The following KCNT2 variants were observed in gnomAD, a reference collection of about 807,000 sequenced individuals.
The protein encoded by KCNT2 is potassium sodium-activated channel subfamily T member 2, also known as potassium channel subfamily T member 2.
KCNT2 carries 67 observed loss-of-function variants against 153.8 expected under a neutral mutation model. The observed-to-expected ratio is 0.44, with a 90% CI of 0.36 to 0.53. The LOEUF is 0.53. Ranked by LOEUF, KCNT2 falls within the 20% of genes least tolerant of loss-of-function variation. The probability of loss-of-function intolerance (pLI) is 0.00; values close to 1 mark genes in which losing one functional copy is unlikely to be tolerated. For synonymous variants in KCNT2, 500 were observed against 458.8 expected (o/e 1.09, Z -1.15); for missense variants, 975 against 1,354.8 (o/e 0.72, Z 4.40).
At chr1:196,444,755 T>C (rs1675543379) in intron 8 of KCNT2, among the ~76,000 whole-genome samples, 2 of 151,340 alleles carry the variant, frequency 1.3e-5, no homozygotes, top group Non-Finnish European at 3.0e-5. Context: ...AAATGAAGAA[T>C]TTTAAGCAAG....
At chr1:196,329,778 CAT>C (rs1664257181) in intron 18 of KCNT2, among the ~76,000 whole-genome samples, 2 of 147,098 alleles carry the variant, frequency 1.4e-5, no homozygotes, top group Admixed American at 1.4e-4. Context: ...TATATATACA[CAT>C]ATATATGTGT....
intron 26 of KCNT2, among the ~76,000 whole-genome samples, chr1:196,242,702 C>G (rs1013547954): frequency 1.3e-5 from 2 of 152,064 alleles, no homozygotes; most frequent in Admixed American, 1.3e-4. Flanking sequence ...GAGGACACAG[C>G]AATGAACAAG....
At chr1:196,447,520 T>C (rs922275792) in intron 8 of KCNT2, among the ~76,000 whole-genome samples, 1 of 151,350 alleles carries the variant, frequency 6.6e-6, no homozygotes, top group Admixed American at 6.6e-5. Context: ...AGATAAGCAT[T>C]ATAAGGGAGC....
At chr1:196,472,611 A>G (rs1294793259) in intron 5 of KCNT2, among the ~76,000 whole-genome samples, 2 of 152,212 alleles carry the variant, frequency 1.3e-5, no homozygotes, top group Non-Finnish European at 2.9e-5. Context: ...CCTCTAAAGC[A>G]CTTTATATAT....
intron 26 of KCNT2, among the ~76,000 whole-genome samples, chr1:196,236,349 AAG>A (rs1451760795): frequency 6.6e-6 from 1 of 151,544 alleles, no homozygotes; most frequent in African/African-American, 2.4e-5. Context: ...TACACTGAAA[AAG>A]TATTTTTCTT....
chr1:196,494,074 T>C (rs1404029456), intron 1 of KCNT2, among the ~76,000 whole-genome samples: 1 of 152,180 alleles, frequency 6.6e-6, no homozygotes, highest in Admixed American at 6.5e-5. Flanking sequence ...TACGTACATA[T>C]ACATACTACA....
chr1:196,578,577 C>T (rs1277016791), intron 1 of KCNT2, among the ~76,000 whole-genome samples: 1 of 152,102 alleles, frequency 6.6e-6, no homozygotes. Context: ...TAAAGTCTAC[C>T]TACTGCAGGG....
chr1:196,329,879 A>ATGTGTGTGTGTGTG (rs57881763), intron 18 of KCNT2, among the ~76,000 whole-genome samples: 1 of 124,796 alleles, frequency 8.0e-6, no homozygotes, highest in Non-Finnish European at 1.6e-5. Flanking sequence ...ATACACTTAT[A>ATGTGTGTGTGTGTG]TGTGTGTGTG....
intron 15 of KCNT2, among the ~76,000 whole-genome samples, chr1:196,341,009 CT>C (rs1289653712): frequency 9.3e-5 from 14 of 151,326 alleles, no homozygotes; most frequent in Non-Finnish European, 1.9e-4. Flanking sequence ...AGTTGGTTTA[CT>C]TTAAATTTTA....
intron 21 of KCNT2, among the ~76,000 whole-genome samples, chr1:196,312,450 G>A (rs933810600): frequency 1.3e-5 from 2 of 151,420 alleles, no homozygotes; most frequent in Non-Finnish European, 3.0e-5. Context: ...GAGAAGGAAC[G>A]AATCAGGGTA....
chr1:196,409,335 G>A (rs1046835989), intron 12 of KCNT2, among the ~76,000 whole-genome samples: 5 of 150,222 alleles, frequency 3.3e-5, no homozygotes, highest in South Asian at 2.1e-4. Flanking sequence ...CTTTATTAAC[G>A]GCCACCCTAA....
chr1:196,525,222 C>CA (rs1298246359), intron 1 of KCNT2, among the ~76,000 whole-genome samples: 28 of 150,136 alleles, frequency 1.9e-4, no homozygotes, highest in African/African-American at 6.2e-4. Flanking sequence ...TTACGTAAAG[C>CA]AAATAAAAAA....
chr1:196,599,354 G>A (rs1317204266), intron 1 of KCNT2, among the ~76,000 whole-genome samples: 1 of 152,172 alleles, frequency 6.6e-6, no homozygotes, highest in East Asian at 1.9e-4. Flanking sequence ...GTGTGCCCTT[G>A]TAATAACAAT....
chr1:196,291,638 T>C (rs1660193102), intron 22 of KCNT2, among the ~76,000 whole-genome samples: 1 of 152,154 alleles, frequency 6.6e-6, no homozygotes, highest in Non-Finnish European at 1.5e-5. Context: ...GAAAACAACA[T>C]ATGGCTAGAA....
At chr1:196,355,037 G>GCTT (rs1261034949) in intron 14 of KCNT2, among the ~76,000 whole-genome samples, 2 of 151,684 alleles carry the variant, frequency 1.3e-5, no homozygotes, top group African/African-American at 4.8e-5. Context: ...ATAATTTACG[G>GCTT]TACGGGGGTA....
chr1:196,416,796 T>A (rs926743215), intron 12 of KCNT2, among the ~76,000 whole-genome samples: 2 of 152,120 alleles, frequency 1.3e-5, no homozygotes, highest in African/African-American at 4.8e-5. Context: ...TACTCTTAGT[T>A]ATTTTTAAAT....
intron 11 of KCNT2, among the ~76,000 whole-genome samples, chr1:196,423,590 AG>A (rs1291513367): frequency 6.6e-6 from 1 of 151,678 alleles, no homozygotes; most frequent in East Asian, 1.9e-4. Flanking sequence ...CCCTCATACT[AG>A]GGTTCAATAT....
intron 1 of KCNT2, among the ~76,000 whole-genome samples, chr1:196,538,011 C>T (rs1257237380): frequency 1.3e-5 from 2 of 152,138 alleles, no homozygotes; most frequent in Non-Finnish European, 2.9e-5. Flanking sequence ...TAACTCCTTT[C>T]CTGAGCTGTG....
chr1:196,233,803 C>A (rs1002078651), intron 27 of KCNT2, among the ~76,000 whole-genome samples: 1 of 151,276 alleles, frequency 6.6e-6, no homozygotes, highest in Admixed American at 6.6e-5. Flanking sequence ...GAGAAATAAG[C>A]CACAGAAAAA....
Sources: allele counts gnomAD v4.1 joint callset (sites outside exome capture counted in the v4.1 genomes callset), GRCh38; gene constraint gnomAD v4.1.1; transcripts MANE v1.5; gene names NCBI Gene and HGNC (gene_info 2026-07-23, HGNC 2026-07-21).